Variants in LRRC4C observed in about 807,000 individuals in gnomAD.
The protein encoded by LRRC4C is leucine rich repeat containing 4C.
A neutral mutation model predicts 33.6 loss-of-function variants in LRRC4C; 5 were observed. The ratio of observed to expected loss-of-function variants is 0.15; its 90% CI spans 0.08 to 0.31. The LOEUF is 0.31. Among genes scored for constraint, LRRC4C ranks in the 10% least tolerant of loss-of-function variants. LRRC4C has a pLI of 1.00. For missense variants in LRRC4C, 560 were observed against 796.7 expected (o/e 0.70, Z 3.58); for synonymous variants, 329 against 302.0 (o/e 1.09, Z -0.93).
In LRRC4C at chr11:41,307,144, CCTT is replaced by C. The variant is rs150427738; in HGVS notation, c.-496+152284_-496+152286del. Reference sequence around the variant, plus strand: ...GGGGATACGGCTTGGGGGAGAGACTCCTTCTGCTGAAGGGGAAAAAGTCAAAAT... The same window carrying C: ...GGGGATACGGCTTGGGGGAGAGACTCCTGCTGAAGGGGAAAAAGTCAAAAT... On this transcript the variant is annotated intron_variant, in intron 1 of 6. Transcript: ENST00000528697. Among the ~76,000 whole-genome samples the C allele has an allele frequency of 6.0e-4, 92 of 152,232 alleles. 2 individuals are homozygous for C. In the East Asian group the frequency reaches 0.015, roughly 24 times the overall value.
At chr11:41,213,942 T>C (rs1946928086) in intron 1 of LRRC4C, among the ~76,000 whole-genome samples, 1 of 152,204 alleles carries the variant, frequency 6.6e-6, no homozygotes, top group Non-Finnish European at 1.5e-5. Context: ...TTGTTCATTC[T>C]GCTATAAATT....
chr11:41,116,985 C>T (rs935328590), intron 1 of LRRC4C, among the ~76,000 whole-genome samples: 1 of 152,072 alleles, frequency 6.6e-6, no homozygotes, highest in African/African-American at 2.4e-5. Context: ...TACTTCCACA[C>T]TTCTTGAACC....
intron 3 of LRRC4C, among the ~76,000 whole-genome samples, chr11:40,565,183 G>T (rs1165441660): frequency 3.9e-5 from 6 of 152,188 alleles, no homozygotes; most frequent in Admixed American, 3.9e-4. Context: ...CTCAGGAGGA[G>T]AAGCCCCCAG....
chr11:40,455,937 C>T (rs1952111793), intron 3 of LRRC4C, among the ~76,000 whole-genome samples: 1 of 152,010 alleles, frequency 6.6e-6, no homozygotes, highest in Non-Finnish European at 1.5e-5. Flanking sequence ...GAGATTGATA[C>T]ACGGTAAATG....
At chr11:40,828,358 C>T (rs533616344) in intron 2 of LRRC4C, among the ~76,000 whole-genome samples, 69 of 151,760 alleles carry the variant, frequency 4.5e-4, no homozygotes, top group African/African-American at 1.6e-3. Context: ...ATGCAAAACC[C>T]TCTCCTGATT....
chr11:40,250,232 A>T (rs1190901470), intron 4 of LRRC4C, among the ~76,000 whole-genome samples: 1 of 152,178 alleles, frequency 6.6e-6, no homozygotes, highest in African/African-American at 2.4e-5. Flanking sequence ...ACTTTTGCAA[A>T]AGAAAAAGAA....
intron 2 of LRRC4C, among the ~76,000 whole-genome samples, chr11:40,733,346 A>T (rs1334623160): frequency 6.6e-6 from 1 of 152,050 alleles, no homozygotes; most frequent in Admixed American, 6.5e-5. Flanking sequence ...AAGTGCTGGG[A>T]TTGCAGGCGT....
intron 1 of LRRC4C, among the ~76,000 whole-genome samples, chr11:41,169,798 G>A (rs1335482935): frequency 6.6e-6 from 1 of 152,128 alleles, no homozygotes; most frequent in Non-Finnish European, 1.5e-5. Flanking sequence ...AGTAAATGCT[G>A]CATACTTTCA....
chr11:41,237,802 T>C (rs534005939), intron 1 of LRRC4C, among the ~76,000 whole-genome samples: 17 of 152,296 alleles, frequency 1.1e-4, no homozygotes, highest in African/African-American at 4.1e-4. Flanking sequence ...TTCACTCCTA[T>C]TTATCACTTC....
chr11:41,294,035 G>C (rs1482018317), intron 1 of LRRC4C, among the ~76,000 whole-genome samples: 3 of 152,090 alleles, frequency 2.0e-5, no homozygotes, highest in Admixed American at 6.6e-5. Context: ...TATCCTTGAT[G>C]CACTCACTAC....
chr11:40,242,482 G>C (rs867862841), intron 4 of LRRC4C, among the ~76,000 whole-genome samples: 31 of 152,292 alleles, frequency 2.0e-4, no homozygotes, highest in African/African-American at 5.3e-4. Flanking sequence ...AAATCTGAGA[G>C]ATCATCTGGA....
chr11:40,585,660 C>T (rs1166348298), intron 3 of LRRC4C, among the ~76,000 whole-genome samples: 4 of 127,716 alleles, frequency 3.1e-5, no homozygotes, highest in African/African-American at 1.2e-4. Flanking sequence ...GTGTGATGTT[C>T]CCCTTCCTGT....
chr11:41,061,115 A>G (rs574365851), intron 1 of LRRC4C, among the ~76,000 whole-genome samples: 1 of 152,236 alleles, frequency 6.6e-6, no homozygotes, highest in East Asian at 1.9e-4. Flanking sequence ...ATATATTTCT[A>G]TCCTCCTCCT....
intron 4 of LRRC4C, 44 bp downstream of exon 4, chr11:40,319,584 A>G (rs1217419525): frequency 1.3e-5 from 2 of 152,150 alleles, no homozygotes; most frequent in African/African-American, 4.8e-5. Flanking sequence ...GAGCAGCTAG[A>G]ATGGAAGCCC....
rs897259917 is a variant in LRRC4C, at chr11:41,209,141, C to T, written c.-496+250290G>A. Among the ~76,000 whole-genome samples, 14 of 151,344 alleles carry T rather than the reference C, an allele frequency of 9.3e-5. No homozygotes were observed. In the East Asian group the frequency reaches 1.2e-3, roughly 13 times the overall value. ...GGTGATGATAATCTGTACACTAAAC[C>T]GCTGAGTCACAAGTTTACCTATATA... On this transcript the variant is annotated intron_variant, in intron 1 of 6. Transcript: ENST00000528697.
chr11:40,696,281 C>CATATAT lies in LRRC4C; in HGVS notation c.-406-48009_-406-48004dup, dbSNP rs753906826. Among the ~76,000 whole-genome samples the CATATAT allele has an allele frequency of 1.9e-3, 176 of 92,852 alleles. 9 individuals are homozygous for CATATAT. The highest frequency in any genetic ancestry group is 0.012 in the African/African-American group (161 of 13,454). The allele number at this position is 92,852 out of a possible 152,430, so 60.9% of individuals were successfully genotyped here. On this transcript the variant is annotated intron_variant, in intron 2 of 6. Transcript: ENST00000528697. ...TATTATCTTCCCTACCACAATGCCA[C>CATATAT]ATATATATATATATATATGGTATAT...
chr11:41,328,354 T>G (rs570956813), intron 1 of LRRC4C, among the ~76,000 whole-genome samples: 42 of 152,262 alleles, frequency 2.8e-4, no homozygotes, highest in Non-Finnish European at 5.3e-4. Flanking sequence ...TCTAAAAAAT[T>G]AGCAGAATCT....
chr11:40,670,886 C>A (rs995808006), intron 2 of LRRC4C, among the ~76,000 whole-genome samples: 1 of 152,158 alleles, frequency 6.6e-6, no homozygotes, highest in African/African-American at 2.4e-5. Context: ...GCCTCAGCCT[C>A]CCGAGTGGCT....
At position 40,887,084 on chromosome 11, in the gene LRRC4C, G is replaced by A. The variant is rs144719609; in HGVS notation, c.-407+46551C>T. Among the ~76,000 whole-genome samples, 599 of 150,972 alleles carry A rather than the reference G, an allele frequency of 4.0e-3. 3 individuals carry two copies. The highest frequency in any genetic ancestry group is 6.9e-3 in the Middle Eastern group (2 of 288). On this transcript the variant is annotated intron_variant, in intron 2 of 6. Transcript: ENST00000528697. ...TACCAAGTCTTTACTTAGAATACTA[G>A]CAATCAAAAGGGGAAGATATTAAGA...
Sources: gnomAD v4.1 joint callset for allele counts (sites outside exome capture counted in the v4.1 genomes callset) on GRCh38, gnomAD v4.1.1 for gene constraint, MANE v1.5 for transcripts, NCBI Gene and HGNC (gene_info 2026-07-23, HGNC 2026-07-21) for gene names.